SLC22A23: variants seen among roughly 807,000 people sequenced by gnomAD.
SLC22A23 encodes ion transporter protein.
SLC22A23 carries 26 observed loss-of-function variants against 61.0 expected under a neutral mutation model. The observed-to-expected ratio is 0.43, with a 90% CI of 0.31 to 0.59. The LOEUF is 0.59. Among genes scored for constraint, SLC22A23 ranks in the 20% least tolerant of loss-of-function variants. The pLI is 0.11. For missense variants in SLC22A23, 796 were observed against 934.7 expected (o/e 0.85, Z 1.94); for synonymous variants, 430 against 413.9 (o/e 1.04, Z -0.47).
chr6:3,393,985 G>C (rs1767836605), intron 3 of SLC22A23, among the ~76,000 whole-genome samples: 1 of 152,152 alleles, frequency 6.6e-6, no homozygotes, highest in African/African-American at 2.4e-5. Context: ...CCGTCACAAG[G>C]TGAAAAGGAA....
At position 3,304,678 on chromosome 6, in the gene SLC22A23, G is replaced by C. The variant is rs9503531; in HGVS notation, c.1083-6460C>G. ...AGGCAGGTGGTCCAGGGGCTGGTCA[G>C]GGGAGGCTCTGGAGAGGCCGGGCTC... On this transcript the variant is annotated intron_variant, in intron 4 of 9. Coordinates refer to ENST00000406686, the MANE Select transcript of SLC22A23 (RefSeq NM_015482.2). The surrounding 1 kb of genome is among the most constrained non-coding windows in gnomAD (Gnocchi z 4.3). Among the ~76,000 whole-genome samples, 112 of 152,132 alleles carry C rather than the reference G, an allele frequency of 7.4e-4. No individual in the cohort carries two copies. The highest frequency in any genetic ancestry group is 2.6e-3 in the African/African-American group (108 of 41,546).
Position 3,317,429 on chromosome 6 carries a change from T to A in SLC22A23, c.1082+6405A>T, listed in dbSNP as rs1762705619. On this transcript the variant is annotated intron_variant, in intron 4 of 9. Coordinates refer to ENST00000406686, the MANE Select transcript of SLC22A23 (RefSeq NM_015482.2). This position sits in a 1 kb window ranked among gnomAD's most constrained non-coding sequence, Gnocchi z 4.4. The stretch of plus-strand genomic sequence containing the variant: ...CCATTCTGGCACCTCCTGCCACCTA[T>A]CTTCCTAGCGCATCTAAGCAGAATT... Among the ~76,000 whole-genome samples, 1 of 152,158 alleles carries A rather than the reference T, an allele frequency of 6.6e-6. No individual in the cohort carries two copies. Among genetic ancestry groups the A allele is most frequent in the African/African-American group, 2.4e-5 (1 of 41,440 alleles).
At chr6:3,298,972 C>T (rs1761366962) in intron 4 of SLC22A23, among the ~76,000 whole-genome samples, 1 of 85,220 alleles carries the variant, frequency 1.2e-5, no homozygotes, top group South Asian at 2.9e-4. Flanking sequence ...GAGCGAGACT[C>T]CGTCTCAAAA....
At chr6:3,362,160 T>C (rs1263681671) in intron 3 of SLC22A23, among the ~76,000 whole-genome samples, 3 of 151,748 alleles carry the variant, frequency 2.0e-5, no homozygotes, top group Non-Finnish European at 2.9e-5. Context: ...TCCTAGGACT[T>C]TGAGAGGCCG....
chr6:3,303,069 A>G (rs955786336), intron 4 of SLC22A23: 2 of 152,230 alleles, frequency 1.3e-5, no homozygotes, highest in African/African-American at 4.8e-5. Context: ...GACATTTCTT[A>G]AAAGACACAA....
chr6:3,325,476 CAA>C (rs1763224129), intron 3 of SLC22A23, among the ~76,000 whole-genome samples: 1 of 152,184 alleles, frequency 6.6e-6, no homozygotes, highest in African/African-American at 2.4e-5. Context: ...TATCAGTGAA[CAA>C]GAGAGAAACC....
intron 4 of SLC22A23, among the ~76,000 whole-genome samples, chr6:3,299,685 A>G (rs1270046295): frequency 1.3e-5 from 2 of 152,224 alleles, no homozygotes; most frequent in Non-Finnish European, 2.9e-5. Context: ...CAAGTCATCA[A>G]TATTTTAGAC....
At chr6:3,289,950 C>G in intron 5 of SLC22A23, 84 bp from the exon 6 acceptor site, 1 of 1,048,034 alleles carries the variant, frequency 9.5e-7, no homozygotes, top group Non-Finnish European at 1.5e-6. Context: ...CCTGGTTCCC[C>G]AGTTCGGGTA....
rs1481171611 is a variant in SLC22A23 at position 3,378,660 on chromosome 6, T to TC, written c.913+31527_913+31528insG. Among the ~76,000 whole-genome samples, 15 of 123,128 alleles carry TC rather than the reference T, an allele frequency of 1.2e-4. No individual in the cohort carries two copies. In the South Asian group the frequency reaches 1.4e-3, roughly 11 times the overall value. 80.8% of individuals were successfully genotyped at this position (123,128 alleles called of 152,430 possible). On this transcript the variant is annotated intron_variant, in intron 3 of 9. Transcript: ENST00000406686. ...CTTTTTTTTTCTTTTCTTTTTTCTT[T>TC]TTTTTTTTTTTTTTGAGATGGAGTT...
At chr6:3,358,950 C>T (rs1376585376) in intron 3 of SLC22A23, among the ~76,000 whole-genome samples, 1 of 152,092 alleles carries the variant, frequency 6.6e-6, no homozygotes, top group Non-Finnish European at 1.5e-5. Context: ...GTCTGCACCC[C>T]GAGCTGCCAC....
Position 3,450,680 on chromosome 6 carries a change from G to A in SLC22A23, c.654+5226C>T, listed in dbSNP as rs74414162. Among the ~76,000 whole-genome samples, 764 of 152,234 alleles carry A rather than the reference G, an allele frequency of 5.0e-3. 9 individuals carry two copies. Among genetic ancestry groups the A allele is most frequent in the African/African-American group, 0.018 (736 of 41,534 alleles). ...AAATATCATGCATTTAAAATGTTTC[G>A]GAAGAAATGGACAAATTCTTTTGAT... On this transcript the variant is annotated intron_variant, in intron 1 of 9. Transcript: ENST00000406686.
intron 1 of SLC22A23, among the ~76,000 whole-genome samples, chr6:3,442,935 T>C (rs185877050): frequency 6.6e-6 from 1 of 152,302 alleles, no homozygotes; most frequent in Admixed American, 6.5e-5. Context: ...AGCAACTGTC[T>C]CAACTTTGAG....
chr6:3,452,948 C>T (rs896628692), intron 1 of SLC22A23, among the ~76,000 whole-genome samples: 1 of 152,122 alleles, frequency 6.6e-6, no homozygotes, highest in Admixed American at 6.5e-5. Flanking sequence ...CCCAGGAAAA[C>T]AACATTGGAG....
chr6:3,273,480 G>A (rs979633735), intron 9 of SLC22A23, 68 bp from the exon 10 acceptor site: 5 of 1,563,430 alleles, frequency 3.2e-6, no homozygotes, highest in Non-Finnish European at 4.3e-6. Context: ...GAAAGCTCGG[G>A]GTGGACCAGG....
rs914095084 is a variant in SLC22A23 at position 3,333,444 on chromosome 6, G to A, written c.914-9442C>T. On this transcript the variant is annotated intron_variant, in intron 3 of 9. Coordinates refer to ENST00000406686, the MANE Select transcript of SLC22A23 (RefSeq NM_015482.2). This position sits in a 1 kb window ranked among gnomAD's most constrained non-coding sequence, Gnocchi z 4.1. ...ATTTCCACCCCTCCCGCATCCCTCA[G>A]ACCACATCACCTGCCCCTCCCCGCC... is the stretch of plus-strand genomic sequence containing the variant. Among the ~76,000 whole-genome samples the A allele has an allele frequency of 6.6e-6, 1 of 151,822 alleles. No homozygotes were observed. The highest frequency in any genetic ancestry group is 1.5e-5 in the Non-Finnish European group (1 of 67,994).
intron 1 of SLC22A23, among the ~76,000 whole-genome samples, chr6:3,433,076 C>T (rs1436643928): frequency 6.6e-6 from 1 of 152,216 alleles, no homozygotes; most frequent in East Asian, 1.9e-4. Context: ...AAGGCTTGCC[C>T]AGGTCATTCT....
intron 9 of SLC22A23, among the ~76,000 whole-genome samples, chr6:3,276,224 T>G (rs1380386086): frequency 6.6e-6 from 1 of 152,162 alleles, no homozygotes; most frequent in Non-Finnish European, 1.5e-5. Context: ...TTGGTTGCAG[T>G]CCACCCATCT....
chr6:3,440,138 G>C lies in SLC22A23; in HGVS notation c.654+15768C>G, dbSNP rs554172014. Among the ~76,000 whole-genome samples the C allele has an allele frequency of 6.7e-4, 102 of 152,220 alleles. No individual in the cohort carries two copies. The Middle Eastern group carries it at 0.01, about 15-fold the overall frequency. On this transcript the variant is annotated intron_variant, in intron 1 of 9. Coordinates refer to ENST00000406686, the MANE Select transcript of SLC22A23 (RefSeq NM_015482.2). ...AGATAAGATCAGGTACCACAAGAGA[G>C]GGCCAGTCCAGCAGGTTGGGGAATG...
At chr6:3,305,250 G>A (rs1411654134) in intron 4 of SLC22A23, among the ~76,000 whole-genome samples, 1 of 152,158 alleles carries the variant, frequency 6.6e-6, no homozygotes, top group African/African-American at 2.4e-5. Context: ...CTATTTAATG[G>A]CAGAGCTGGG....
Sources: gnomAD v4.1 joint callset for allele counts (sites outside exome capture counted in the v4.1 genomes callset) on GRCh38, gnomAD v4.1.1 for gene constraint, Gnocchi (gnomAD v3.1) non-coding constraint, MANE v1.5 for transcripts, NCBI Gene and HGNC (gene_info 2026-07-23, HGNC 2026-07-21) for gene names.